Variants in CHD4 observed in about 807,000 individuals in gnomAD.
The protein encoded by CHD4 is ATP-dependent chromatin remodeler CHD4.
CHD4 carries 35 observed loss-of-function variants against 235.5 expected under a neutral mutation model. The observed-to-expected ratio is 0.15, with a 90% CI of 0.11 to 0.20. The LOEUF (loss-of-function observed/expected upper bound fraction) is 0.20. Ranked by LOEUF, CHD4 falls within the 10% of genes least tolerant of loss-of-function variation. The pLI, the probability that CHD4 is intolerant of heterozygous loss-of-function variation, is 1.00. For missense variants in CHD4, 1,329 were observed against 2,432.3 expected (o/e 0.55, Z 9.54); for synonymous variants, 900 against 850.2 (o/e 1.06, Z -1.02).
intron 23 of CHD4, 43 bp downstream of exon 23, chr12:6,588,255 C>T (rs1026771430): frequency 1.4e-5 from 22 of 1,602,896 alleles, no homozygotes; most frequent in Non-Finnish European, 1.7e-5. Context: ...GCCTTTCTAG[C>T]ATAACATGTT....
Position 6,596,037 on chromosome 12 carries a change from C to T in CHD4, c.1993G>A (p.Asp665Asn), listed in dbSNP as rs1270348065. ...TTCCAATAGCTCTGCTTGAACAGGT[C>T]GTAATCCTGGATCTCCACATCCTCA... ...ESEDVEIQDY[D>N]LFKQSYWNHR... The change falls in exon 13 of 40, where the codon GAC becomes AAC. Residue 665 changes from aspartate (D) to asparagine (N), a missense_variant. Asp to Asn is a conservative substitution (Grantham distance 23). This residue lies in a region of CHD4 where 121 missense variants were observed against 177.8 expected (regional missense o/e 0.68). Transcript: ENST00000544040. 3.1e-6 allele frequency: 5 copies of T among 1,613,616 alleles called. No individual in the cohort carries two copies. In the South Asian group the frequency reaches 4.4e-5, roughly 14 times the overall value.
At chr12:6,597,839 CTT>C in intron 12 of CHD4, 53 bp downstream of exon 12, 1 of 1,508,902 alleles carries the variant, frequency 6.6e-7, no homozygotes, top group Non-Finnish European at 9.2e-7. Context: ...TTCCCAATCT[CTT>C]TAGCAGGACT....
At chr12:6,592,995 C>T (rs1948427258) in intron 17 of CHD4, 96 bp downstream of exon 17, 5 of 1,546,924 alleles carry the variant, frequency 3.2e-6, no homozygotes, top group Non-Finnish European at 4.4e-6. Context: ...ACAATTTTCC[C>T]CTCTCCTCTC....
chr12:6,599,071 G>A (rs914297909), intron 10 of CHD4, among the ~76,000 whole-genome samples: 1 of 152,128 alleles, frequency 6.6e-6, no homozygotes, highest in Non-Finnish European at 1.5e-5. Context: ...GAACAATCAG[G>A]AAATCAACAG....
At chr12:6,596,590 G>A (rs758857965) in intron 12 of CHD4, among the ~76,000 whole-genome samples, 2 of 152,028 alleles carry the variant, frequency 1.3e-5, no homozygotes, top group Middle Eastern at 3.4e-3. Context: ...ACCTGAGGTC[G>A]GGAGTTCAAG....
At chr12:6,582,048 C>T in intron 30 of CHD4, 89 bp downstream of exon 30, 1 of 1,382,512 alleles carries the variant, frequency 7.2e-7, no homozygotes, top group Non-Finnish European at 9.7e-7. Flanking sequence ...AGTGATCCAC[C>T]CGCCTCAGCC....
chr12:6,582,341 C>A, intron 29 of CHD4, 60 bp from the exon 30 acceptor site: 1 of 1,503,410 alleles, frequency 6.7e-7, no homozygotes, highest in South Asian at 1.4e-5. Context: ...AGATTCTTTT[C>A]CATCCCTTCG....
chr12:6,585,499 G>A (rs1291571309), intron 25 of CHD4, among the ~76,000 whole-genome samples: 1 of 151,732 alleles, frequency 6.6e-6, no homozygotes, highest in Non-Finnish European at 1.5e-5. Flanking sequence ...AGCCAGGATG[G>A]GCTCGATCTC....
At chr12:6,598,504 A>T (rs539697240) in intron 10 of CHD4, 79 bp from the exon 11 acceptor site, 105 of 1,211,548 alleles carry the variant, frequency 8.7e-5, no homozygotes, top group Middle Eastern at 6.8e-4. Flanking sequence ...CAACTTCATC[A>T]AAGGACGATT....
chr12:6,587,645 A>C, intron 24 of CHD4, 67 bp downstream of exon 24: 3 of 1,605,378 alleles, frequency 1.9e-6, no homozygotes. Context: ...CCTTGGTATC[A>C]AAGATTCTCC....
intron 12 of CHD4, among the ~76,000 whole-genome samples, chr12:6,597,128 T>C (rs1295930400): frequency 1.3e-5 from 2 of 148,520 alleles, no homozygotes; most frequent in Admixed American, 6.7e-5. Context: ...AAAAAAAAAT[T>C]AGCCAGGCAT....
intron 7 of CHD4, 63 bp from the exon 8 acceptor site, chr12:6,600,732 G>T: frequency 6.3e-7 from 1 of 1,593,308 alleles, no homozygotes; most frequent in Non-Finnish European, 8.6e-7. Context: ...GAGTGGCAGA[G>T]AGGGGAGTAC....
intron 10 of CHD4, 59 bp downstream of exon 10, chr12:6,599,714 C>T: frequency 6.2e-7 from 1 of 1,607,124 alleles, no homozygotes; most frequent in South Asian, 1.1e-5. Flanking sequence ...CTCACAATAG[C>T]CTACATAGAA....
Position 6,597,881 on chromosome 12 carries a change from G to C in CHD4, c.1892+13C>G. ...CACGGAGACTGCCCGTCTCCCGTGT[G>C]CTCAGCTGGTACCTGTGGTTGAGGA... On this transcript the variant is annotated intron_variant, in intron 12 of 39. Transcript: ENST00000544040. The C allele has an allele frequency of 3.7e-6, 6 of 1,613,342 alleles. No individual in the cohort carries two copies. The highest frequency in any genetic ancestry group is 4.2e-6 in the Non-Finnish European group (5 of 1,179,276).
At position 6,581,161 on chromosome 12, in the gene CHD4, G is replaced by A. The variant is rs768247783; in HGVS notation, c.4792C>T (p.Pro1598Ser). 11 of 1,613,846 alleles carry A rather than the reference G, an allele frequency of 6.8e-6. No homozygotes were observed. The highest frequency in any genetic ancestry group is 2.2e-5 in the South Asian group (2 of 91,072). ...PETAIECTQA[P>S]APASEDEKVV... The stretch of plus-strand genomic sequence containing the variant: ...TTTTCATCCTCTGAGGCAGGGGCAG[G>A]GGCCTGTGTACACTTCAAAGGAAAA... Residue 1598 changes from proline to serine, a missense_variant, in exon 33 of 40, where the codon CCT (proline) becomes TCT (serine). Coordinates refer to ENST00000544040, the MANE Select transcript of CHD4 (RefSeq NM_001273.5).
At chr12:6,591,420 T>G in intron 22 of CHD4, 46 bp downstream of exon 22, 1 of 1,458,080 alleles carries the variant, frequency 6.9e-7, no homozygotes, top group Non-Finnish European at 9.5e-7. Context: ...TCCAAAGATA[T>G]AAGCAAATGA....
chr12:6,581,147 T>G lies in CHD4; in HGVS notation c.4806A>C (p.Ser1602=). The G allele has an allele frequency of 6.2e-7, 1 of 1,613,928 alleles. No individual in the cohort carries two copies. Among genetic ancestry groups the G allele is most frequent in the Non-Finnish European group, 8.5e-7 (1 of 1,179,990 alleles). ...IECTQAPAPA[S]EDEKVVVEPP... The stretch of plus-strand genomic sequence containing the variant: ...GTTCAACAACGACCTTTTCATCCTC[T>G]GAGGCAGGGGCAGGGGCCTGTGTAC... Residue 1602 remains serine (S), a synonymous_variant, in exon 33 of 40, where the codon TCA becomes TCC. Coordinates refer to ENST00000544040, the MANE Select transcript of CHD4 (RefSeq NM_001273.5).
At chr12:6,597,783 A>C (rs1948525287) in intron 12 of CHD4, 111 bp downstream of exon 12, 1 of 1,024,260 alleles carries the variant, frequency 9.8e-7, no homozygotes, top group Non-Finnish European at 1.5e-6. Context: ...AAAACAAACA[A>C]AAAAAACCAG....
rs762273432 is a variant in CHD4 at position 6,591,766 on chromosome 12, C to T, written c.3150G>A (p.Gly1050=). 2.5e-6 allele frequency: 4 copies of T among 1,614,220 alleles called. No homozygotes were observed. The highest frequency in any genetic ancestry group is 3.4e-6 in the Non-Finnish European group (4 of 1,180,036). ...GCATTTTCTGCAGCAGCAATAATTT[C>T]CCAGATGCTCTGATTAGGGCACTGC... The part of the protein sequence containing the change: ...YDGSALIRAS[G]KLLLLQKMLK... The change falls in exon 21 of 40, where the codon GGG becomes GGA. Residue 1050 remains glycine, a synonymous_variant. Coordinates refer to ENST00000544040, the MANE Select transcript of CHD4 (RefSeq NM_001273.5).
Sources: gnomAD v4.1 joint callset for allele counts (sites outside exome capture counted in the v4.1 genomes callset) on GRCh38, gnomAD v4.1.1 for gene constraint, gnomAD v4.1.1 regional missense constraint, MANE v1.5 for transcripts, NCBI Gene and HGNC (gene_info 2026-07-23, HGNC 2026-07-21) for gene names.